The following KCTD19 variants were observed in gnomAD, a reference collection of about 807,000 sequenced individuals.
KCTD19 encodes BTB/POZ domain-containing protein KCTD19.
Under a neutral mutation model 103.5 loss-of-function variants are expected in KCTD19, and 67 were observed. The observed-to-expected ratio is 0.65, with a 90% CI of 0.53 to 0.79. KCTD19 has a LOEUF of 0.79. Among genes scored for constraint, KCTD19 ranks in the 30% least tolerant of loss-of-function variants. KCTD19 has a pLI of 0.00. For synonymous variants in KCTD19, 439 were observed against 452.2 expected (o/e 0.97, Z 0.37); for missense variants, 980 against 1,136.1 (o/e 0.86, Z 1.98).
chr16:67,311,736 C>T (rs972773252), intron 2 of KCTD19, among the ~76,000 whole-genome samples: 10 of 151,596 alleles, frequency 6.6e-5, no homozygotes, highest in African/African-American at 1.7e-4. Flanking sequence ...TGTGTGTGTG[C>T]ATGTGTATGT....
chr16:67,290,212 C>T (rs2036665922), intron 15 of KCTD19, among the ~76,000 whole-genome samples: 1 of 108,840 alleles, frequency 9.2e-6, no homozygotes, highest in African/African-American at 3.6e-5. Context: ...GAGTCTCGCT[C>T]TGTCACCCAG....
At chr16:67,317,949 G>A (rs981788882) in intron 2 of KCTD19, among the ~76,000 whole-genome samples, 1 of 152,126 alleles carries the variant, frequency 6.6e-6, no homozygotes, top group East Asian at 1.9e-4. Context: ...TGCTCATTTA[G>A]TAAAAAAATC....
chr16:67,305,724 A>C (rs2036885470), intron 2 of KCTD19: 1 of 380,146 alleles, frequency 2.6e-6, no homozygotes, highest in South Asian at 1.9e-5. Context: ...ATAGCAGGGC[A>C]AGTGGTACTT....
At chr16:67,291,147 A>G (rs2036686999) in intron 14 of KCTD19, among the ~76,000 whole-genome samples, 161 bp from the exon 15 acceptor site, 1 of 152,198 alleles carries the variant, frequency 6.6e-6, no homozygotes, top group African/African-American at 2.4e-5. Context: ...TCCAGGTGCA[A>G]CTGCTCTGCT....
At chr16:67,312,622 T>C (rs1244593833) in intron 2 of KCTD19, among the ~76,000 whole-genome samples, 1 of 152,170 alleles carries the variant, frequency 6.6e-6, no homozygotes, top group Non-Finnish European at 1.5e-5. Flanking sequence ...AAACTCAACA[T>C]GTTCAGATCC....
At position 67,296,265 on chromosome 16, in the gene KCTD19, G is replaced by A; in HGVS notation, c.1148-6C>T. The A allele has an allele frequency of 1.3e-6, 2 of 1,577,444 alleles. No homozygotes were observed. The highest frequency in any genetic ancestry group is 1.1e-5 in the South Asian group (1 of 90,352). ...GATCTCTGCCGTCCACTCATCTATG[G>A]GAATCCAGGAGATAGAACACATCAT... On this transcript the variant is annotated splice_polypyrimidine_tract_variant and splice_region_variant and intron_variant, in intron 7 of 15. Transcript: ENST00000304372.
At chr16:67,289,904 T>A (rs573568121) in intron 15 of KCTD19, among the ~76,000 whole-genome samples, 1 of 152,336 alleles carries the variant, frequency 6.6e-6, no homozygotes, top group African/African-American at 2.4e-5. Context: ...AAAATCTGTT[T>A]CCTGCTACTG....
chr16:67,324,266 T>C (rs1325460120), intron 1 of KCTD19, among the ~76,000 whole-genome samples: 5 of 152,194 alleles, frequency 3.3e-5, no homozygotes, highest in African/African-American at 1.2e-4. Context: ...ACCATCCATA[T>C]CAAATTTTAA....
At chr16:67,302,574 G>C (rs757728552) in intron 4 of KCTD19, 1 of 156,722 alleles carries the variant, frequency 6.4e-6, no homozygotes, top group African/African-American at 2.4e-5. Context: ...TCATCCTGGG[G>C]CAGTAGGGGG....
At chr16:67,311,915 T>C in intron 2 of KCTD19, among the ~76,000 whole-genome samples, 1 of 152,230 alleles carries the variant, frequency 6.6e-6, no homozygotes, top group East Asian at 1.9e-4. Context: ...CTGCTGTTTA[T>C]GTCATCCTCT....
intron 1 of KCTD19, among the ~76,000 whole-genome samples, chr16:67,322,433 G>A (rs2037085084): frequency 6.6e-6 from 1 of 151,878 alleles, no homozygotes; most frequent in Non-Finnish European, 1.5e-5. Context: ...TGAGTAGCTG[G>A]GACTACAGGC....
intron 2 of KCTD19, among the ~76,000 whole-genome samples, chr16:67,308,021 A>T (rs1198262718): frequency 6.6e-6 from 1 of 152,076 alleles, no homozygotes; most frequent in African/African-American, 2.4e-5. Context: ...TCACTGGCAA[A>T]GTGGAGGCAG....
rs753638911 is a variant in KCTD19 at position 67,294,190 on chromosome 16, A to G, written c.1591-19T>C. ...CTGTGGTCTGGGGAGGGAAGGGCACAGTAACTCTGGATAGGTTGGGCATGG... is the reference window on the plus strand; with the variant it reads ...CTGTGGTCTGGGGAGGGAAGGGCACGGTAACTCTGGATAGGTTGGGCATGG... On this transcript the variant is annotated intron_variant, in intron 11 of 15. Transcript: ENST00000304372. 2.5e-6 allele frequency: 4 copies of G among 1,590,918 alleles called. No individual in the cohort carries two copies. In the African/African-American group the frequency reaches 4.0e-5, roughly 16 times the overall value.
At chr16:67,299,629 G>C (rs753178166) in intron 5 of KCTD19, 56 bp from the exon 6 acceptor site, 9 of 1,499,458 alleles carry the variant, frequency 6.0e-6, no homozygotes, top group Non-Finnish European at 7.3e-6. Context: ...AGCTGGATTG[G>C]AGGCTTTGGG....
chr16:67,318,557 C>CAA (rs764640736), intron 2 of KCTD19, among the ~76,000 whole-genome samples: 40 of 59,286 alleles, frequency 6.7e-4, no homozygotes, highest in East Asian at 1.0e-3. Flanking sequence ...GACTCTATCT[C>CAA]AAAAAAAAAA....
chr16:67,301,925 T>A lies in KCTD19; in HGVS notation c.644-3A>T, dbSNP rs750504467. 1 of 1,613,924 alleles carries A rather than the reference T, an allele frequency of 6.2e-7. No individual in the cohort carries two copies. Among genetic ancestry groups the A allele is most frequent in the South Asian group, 1.1e-5 (1 of 91,064 alleles). On this transcript the variant is annotated splice_polypyrimidine_tract_variant and splice_region_variant and intron_variant, in intron 4 of 15. Coordinates refer to ENST00000304372, the MANE Select transcript of KCTD19 (RefSeq NM_001100915.3). ...CTTCTGTGAGCGAAGAAAATTCACT[T>A]GAAAAACAAAGGGGAACACAGTGAG...
In KCTD19 at chr16:67,296,128, T is replaced by C. The variant is rs184289463; in HGVS notation, c.1248+31A>G. The stretch of plus-strand genomic sequence containing the variant: ...GAGCAGCTCAGGTGGTGATGCCAGA[T>C]GGGGAGCAGGGCAGCCGAGGCCGTC... On this transcript the variant is annotated intron_variant, in intron 8 of 15. Coordinates refer to ENST00000304372, the MANE Select transcript of KCTD19 (RefSeq NM_001100915.3). 8.6e-4 allele frequency: 1,133 copies of C among 1,320,342 alleles called. 4 individuals are homozygous for C. The highest frequency in any genetic ancestry group is 3.5e-3 in the South Asian group (296 of 85,180). The allele number at this position is 1,320,342 out of a possible 1,614,324, so 81.8% of individuals were successfully genotyped here.
chr16:67,297,175 C>G (rs2036773858), intron 7 of KCTD19, among the ~76,000 whole-genome samples: 1 of 152,126 alleles, frequency 6.6e-6, no homozygotes, highest in African/African-American at 2.4e-5. Flanking sequence ...AGGGACAGCT[C>G]TGTTTAACAG....
At chr16:67,302,854 TC>T in intron 4 of KCTD19, 1 of 409,378 alleles carries the variant, frequency 2.4e-6, no homozygotes, top group Non-Finnish European at 4.4e-6. Context: ...CCAGCTGAGC[TC>T]CCTGCCCTTC....
Sources: allele counts gnomAD v4.1 joint callset (sites outside exome capture counted in the v4.1 genomes callset), GRCh38; gene constraint gnomAD v4.1.1; transcripts MANE v1.5; gene names NCBI Gene and HGNC (gene_info 2026-07-23, HGNC 2026-07-21).